PDHX: variants seen among roughly 807,000 people sequenced by gnomAD.
PDHX encodes pyruvate dehydrogenase complex component X, also known as pyruvate dehydrogenase protein X component, mitochondrial.
PDHX carries 33 observed loss-of-function variants against 55.3 expected under a neutral mutation model. That is an observed-to-expected ratio of 0.60 (90% CI 0.45 to 0.80). The LOEUF (loss-of-function observed/expected upper bound fraction) is 0.80. Among genes scored for constraint, PDHX ranks in the 30% least tolerant of loss-of-function variants. The pLI, the probability that PDHX is intolerant of heterozygous loss-of-function variation, is 0.00. For synonymous variants in PDHX, 226 were observed against 219.4 expected, an observed-to-expected ratio of 1.03 and a Z score of -0.27; for missense variants, 622 against 619.9, an observed-to-expected ratio of 1.00 and a Z score of -0.04.
At chr11:34,976,091 T>C (rs1351106362) in intron 7 of PDHX, among the ~76,000 whole-genome samples, 2 of 152,188 alleles carry the variant, frequency 1.3e-5, no homozygotes, top group Non-Finnish European at 1.5e-5. Flanking sequence ...CTTACTCTAA[T>C]AAGGCAGAAA....
chr11:34,952,655 A>T (rs577789847), intron 3 of PDHX, among the ~76,000 whole-genome samples: 1 of 151,992 alleles, frequency 6.6e-6, no homozygotes, highest in African/African-American at 2.4e-5. Context: ...TCATGCTAAA[A>T]ACTCTCAATA....
chr11:34,954,314 C>T (rs1275393754), intron 3 of PDHX, among the ~76,000 whole-genome samples: 1 of 152,234 alleles, frequency 6.6e-6, no homozygotes, highest in Non-Finnish European at 1.5e-5. Flanking sequence ...TGAGCCCTCT[C>T]AATTTCTCTG....
At chr11:34,941,183 G>A (rs570123318) in intron 2 of PDHX, among the ~76,000 whole-genome samples, 1 of 152,290 alleles carries the variant, frequency 6.6e-6, no homozygotes, top group African/African-American at 2.4e-5. Context: ...AACTGGCCTA[G>A]CAACCAGGTT....
Position 34,948,965 on chromosome 11 carries a change from T to G in PDHX, c.342+1359T>G, listed in dbSNP as rs189796602. ...AGCATTTTTCCACTTAGCTGCTTAG[T>G]AATACATTTCAAATTGCTAACCATG... On this transcript the variant is annotated intron_variant, in intron 3 of 10. Coordinates refer to ENST00000227868, the MANE Select transcript of PDHX (RefSeq NM_003477.3). Among the ~76,000 whole-genome samples the G allele has an allele frequency of 1.2e-3, 186 of 152,318 alleles. No individual in the cohort carries two copies. In the Middle Eastern group the frequency reaches 0.014, roughly 11 times the overall value.
intron 1 of PDHX, among the ~76,000 whole-genome samples, chr11:34,924,695 A>T (rs546865416): frequency 1.3e-3 from 196 of 152,190 alleles, no homozygotes; most frequent in Non-Finnish European, 2.0e-3. Flanking sequence ...GAGTTTTTTT[A>T]AATTAAATAT....
intron 3 of PDHX, among the ~76,000 whole-genome samples, chr11:34,948,706 T>A (rs1471889753): frequency 6.6e-6 from 1 of 152,110 alleles, no homozygotes; most frequent in Non-Finnish European, 1.5e-5. Flanking sequence ...TACAGTTAAC[T>A]TCCTTGTAGG....
chr11:34,932,163 A>G (rs1854193128), intron 2 of PDHX, among the ~76,000 whole-genome samples: 1 of 152,198 alleles, frequency 6.6e-6, no homozygotes, highest in Admixed American at 6.5e-5. Context: ...CACTTAATGT[A>G]TAAAAATGAA....
At chr11:34,968,082 G>A (rs1415986879) in intron 6 of PDHX, among the ~76,000 whole-genome samples, 2 of 152,100 alleles carry the variant, frequency 1.3e-5, no homozygotes, top group Middle Eastern at 6.8e-3. Flanking sequence ...ACCAGCCTGG[G>A]CAACATAGTG....
rs1333474785 is a variant in PDHX, at chr11:34,995,892, A to C, written c.*720A>C. 6.6e-6 allele frequency: 1 copy of C among 152,290 alleles called. No homozygotes were observed. The highest frequency in any genetic ancestry group is 1.5e-5 in the Non-Finnish European group (1 of 68,010). 9.4% of individuals were successfully genotyped at this position (152,290 alleles called of 1,614,324 possible). A position where few individuals can be genotyped will look rare whatever the true frequency, so the allele number is the denominator to read the frequency against. ...TTCAATGAAAAACTATAGCTAAAAT[A>C]TGTAAACCTTTCTAGGTAAACCGCT... On this transcript the variant is annotated 3_prime_UTR_variant, in exon 11 of 11. Coordinates refer to ENST00000227868, the MANE Select transcript of PDHX (RefSeq NM_003477.3).
chr11:34,986,794 C>A (rs928479431), intron 9 of PDHX, among the ~76,000 whole-genome samples: 1 of 152,218 alleles, frequency 6.6e-6, no homozygotes, highest in Non-Finnish European at 1.5e-5. Context: ...TGGTCTCTGG[C>A]GGGCCTTGGG....
intron 9 of PDHX, among the ~76,000 whole-genome samples, chr11:34,985,369 A>G (rs1213994173): frequency 6.6e-6 from 1 of 152,210 alleles, no homozygotes; most frequent in Non-Finnish European, 1.5e-5. Context: ...TGAACCCAGG[A>G]GGCAGAGGTT....
At chr11:34,961,846 G>A (rs1393534414) in intron 5 of PDHX, among the ~76,000 whole-genome samples, 1 of 152,166 alleles carries the variant, frequency 6.6e-6, no homozygotes, top group Non-Finnish European at 1.5e-5. Flanking sequence ...CCCAGACCAT[G>A]GGATTTTTAG....
chr11:34,916,768 G>T lies in PDHX; in HGVS notation c.113G>T (p.Ser38Ile), dbSNP rs1302335755. The T allele has an allele frequency of 6.2e-7, 1 of 1,607,510 alleles. No individual in the cohort carries two copies. Among genetic ancestry groups the T allele is most frequent in the South Asian group, 1.1e-5 (1 of 90,088 alleles). The stretch of plus-strand genomic sequence containing the variant: ...AAGGGGGCTCTTGGGTGGTCTGTAA[G>T]CCGCGGAGCTAATTGGAGATGGTTT... ...LVKGALGWSVSRGANWRWFHS... is the reference protein window; with the variant it reads ...LVKGALGWSVIRGANWRWFHS... Residue 38 changes from serine to isoleucine, a missense_variant, in exon 1 of 11, where the codon AGC becomes ATC. By Grantham distance (142) the Ser-to-Ile change is moderately radical (BLOSUM62 -2). Coordinates refer to ENST00000227868, the MANE Select transcript of PDHX (RefSeq NM_003477.3).
chr11:34,918,159 T>C (rs1455599689), intron 1 of PDHX, among the ~76,000 whole-genome samples: 1 of 151,974 alleles, frequency 6.6e-6, no homozygotes, highest in Non-Finnish European at 1.5e-5. Flanking sequence ...CACAAAAATG[T>C]GCACGTAGTG....
chr11:34,966,906 C>T, intron 6 of PDHX, 92 bp downstream of exon 6: 1 of 1,117,826 alleles, frequency 8.9e-7, no homozygotes, highest in Non-Finnish European at 1.3e-6. Flanking sequence ...GGCTGGAGTG[C>T]AATGGCACAA....
intron 7 of PDHX, among the ~76,000 whole-genome samples, chr11:34,970,508 A>G (rs1855234944): frequency 6.6e-6 from 1 of 152,208 alleles, no homozygotes; most frequent in Non-Finnish European, 1.5e-5. Context: ...TAAATCACAG[A>G]TGCCTTTATG....
intron 7 of PDHX, among the ~76,000 whole-genome samples, chr11:34,973,436 C>G (rs1855297452): frequency 6.6e-6 from 1 of 152,002 alleles, no homozygotes; most frequent in Non-Finnish European, 1.5e-5. Flanking sequence ...TTAAATCTAC[C>G]ATTTTGTTCT....
intron 7 of PDHX, among the ~76,000 whole-genome samples, chr11:34,976,468 G>A (rs534633262): frequency 1.1e-4 from 17 of 152,278 alleles, no homozygotes; most frequent in Middle Eastern, 3.4e-3. Flanking sequence ...GCTTGTAAGC[G>A]ATGCAAGTAG....
chr11:34,995,233 A>G lies in PDHX; in HGVS notation c.*61A>G, dbSNP rs1312623182. ...GATTCAGTAGTTGTTACCAAGAAACATATGTTATAGGAAAACAACTTGGTA... is the reference window on the plus strand; with the variant it reads ...GATTCAGTAGTTGTTACCAAGAAACGTATGTTATAGGAAAACAACTTGGTA... On this transcript the variant is annotated 3_prime_UTR_variant, in exon 11 of 11. Coordinates refer to ENST00000227868, the MANE Select transcript of PDHX (RefSeq NM_003477.3). The G allele has an allele frequency of 2.6e-6, 4 of 1,566,860 alleles. No homozygotes were observed. Among genetic ancestry groups the G allele is most frequent in the African/African-American group, 1.4e-5 (1 of 73,914 alleles).
Sources: gnomAD v4.1 joint callset for allele counts (sites outside exome capture counted in the v4.1 genomes callset) on GRCh38, gnomAD v4.1.1 for gene constraint, MANE v1.5 for transcripts, NCBI Gene and HGNC (gene_info 2026-07-23, HGNC 2026-07-21) for gene names.